FGF13: variants seen among roughly 807,000 people sequenced by gnomAD.
The protein encoded by FGF13 is fibroblast growth factor homologous factor 2.
Under a neutral mutation model 19.5 loss-of-function variants are expected in FGF13, and 2 were observed. The observed-to-expected ratio is 0.10, with a 90% CI of 0.04 to 0.32. FGF13 has a LOEUF of 0.32. Ranked by LOEUF, FGF13 falls within the 10% of genes least tolerant of loss-of-function variation. The pLI is 1.00. For synonymous variants in FGF13, 72 were observed against 76.9 expected (o/e 0.94, Z 0.33); for missense variants, 113 against 192.7 (o/e 0.59, Z 2.45).
chrX:138,649,884 G>A (rs2089350057), intron 3 of FGF13, among the ~76,000 whole-genome samples: 1 of 111,980 alleles, frequency 8.9e-6, no homozygotes, highest in Non-Finnish European at 1.9e-5. Flanking sequence ...CAGAATGTGT[G>A]GTATCACCTC....
chrX:138,873,772 G>A (rs765051550), intron 1 of FGF13, among the ~76,000 whole-genome samples: 7 of 110,777 alleles, frequency 6.3e-5, no homozygotes, highest in South Asian at 7.9e-4. Context: ...ACCATTTCCC[G>A]ACTGGATTAA....
At chrX:138,665,137 C>G (rs2124158867) in intron 3 of FGF13, among the ~76,000 whole-genome samples, 1 of 110,567 alleles carries the variant, frequency 9.0e-6, no homozygotes, top group African/African-American at 3.3e-5. Context: ...CACCCCAAAA[C>G]AAGATCCAGG....
chrX:138,654,385 T>C (rs1327877421), intron 3 of FGF13, among the ~76,000 whole-genome samples: 1 of 111,756 alleles, frequency 8.9e-6, no homozygotes, highest in Non-Finnish European at 1.9e-5. Context: ...AACAATCAAT[T>C]AGTGTCTATA....
intron 1 of FGF13, among the ~76,000 whole-genome samples, chrX:139,140,805 C>T (rs1258831801): frequency 2.7e-5 from 3 of 110,899 alleles, no homozygotes; most frequent in Non-Finnish European, 5.7e-5. Flanking sequence ...TCTCCATGAT[C>T]TGGGTCCCTA....
downstream of FGF13, among the ~76,000 whole-genome samples, chrX:138,853,285 G>C (rs1467520663): frequency 8.9e-6 from 1 of 111,748 alleles, no homozygotes; most frequent in Non-Finnish European, 1.9e-5. Flanking sequence ...AAAACATGAA[G>C]ATGAAAAACA....
At chrX:138,869,483 T>G (rs2091346494) in intron 1 of FGF13, among the ~76,000 whole-genome samples, 1 of 112,255 alleles carries the variant, frequency 8.9e-6, no homozygotes, top group Non-Finnish European at 1.9e-5. Flanking sequence ...TGGATCCTCT[T>G]GTTTCATTTA....
chrX:138,891,968 A>T (rs1388466934), intron 1 of FGF13, among the ~76,000 whole-genome samples: 3 of 99,517 alleles, frequency 3.0e-5, no homozygotes, highest in African/African-American at 1.1e-4. Flanking sequence ...TAATACTTAA[A>T]CTCCAATCTC....
intron 1 of FGF13, among the ~76,000 whole-genome samples, chrX:138,731,523 G>C (rs1018461012): frequency 2.7e-5 from 3 of 109,443 alleles, no homozygotes; most frequent in Admixed American, 2.0e-4. Flanking sequence ...TCAAAACAAT[G>C]AAGTTAATGT....
At chrX:138,683,349 C>G (rs1334994035) in intron 3 of FGF13, among the ~76,000 whole-genome samples, 1 of 109,952 alleles carries the variant, frequency 9.1e-6, no homozygotes, top group Non-Finnish European at 1.9e-5. Flanking sequence ...TTTGCAGGAC[C>G]ATCAGTGCTT....
At chrX:138,809,014 T>G (rs1390336544) in intron 3 of FGF13, among the ~76,000 whole-genome samples, 3 of 110,951 alleles carry the variant, frequency 2.7e-5, no homozygotes, top group East Asian at 5.7e-4. Flanking sequence ...TCTACCAGAG[T>G]TACAAGGAGG....
In FGF13 at chrX:138,624,055, A is replaced by AAT. The variant is rs1298746948; in HGVS notation, c.*8793_*8794dup. 1.8e-5 allele frequency: 2 copies of AAT among 112,296 alleles called. No individual in the cohort carries two copies. The highest frequency in any genetic ancestry group is 3.8e-5 in the Non-Finnish European group (2 of 53,280). The allele number at this position is 112,296 out of a possible 1,213,427, so 9.3% of individuals were successfully genotyped here. On this transcript the variant is annotated 3_prime_UTR_variant, in exon 5 of 5. Transcript: ENST00000315930. ...TCAATGCAAGCACTATCAAAATCTT[A>AAT]ATATAATTTTTTACAGAAATAGAAA...
intron 3 of FGF13, among the ~76,000 whole-genome samples, chrX:138,752,123 G>C (rs1410081444): frequency 8.9e-6 from 1 of 111,753 alleles, no homozygotes; most frequent in African/African-American, 3.3e-5. Context: ...CTCAGGAATG[G>C]GCAAGACAAT....
At chrX:139,124,455 T>C (rs1227115743) in intron 1 of FGF13, among the ~76,000 whole-genome samples, 1 of 111,908 alleles carries the variant, frequency 8.9e-6, no homozygotes, top group African/African-American at 3.3e-5. Flanking sequence ...AGGTCTTGAC[T>C]CCCAGACCCT....
chrX:138,935,696 CAT>C (rs2091727690), intron 1 of FGF13, among the ~76,000 whole-genome samples: 2 of 111,464 alleles, frequency 1.8e-5, no homozygotes. Context: ...AGTTTTAACA[CAT>C]GTGTAGATCT....
At chrX:139,107,517 G>A (rs755671114) in intron 1 of FGF13, among the ~76,000 whole-genome samples, 36 of 111,261 alleles carry the variant, frequency 3.2e-4, no homozygotes, top group Non-Finnish European at 6.2e-4. Context: ...CATCTGCCAG[G>A]GCTAAGTGAA....
intron 1 of FGF13, among the ~76,000 whole-genome samples, chrX:139,120,748 A>T (rs1307359290): frequency 8.9e-6 from 1 of 112,844 alleles, no homozygotes. Flanking sequence ...TGTCCCATGG[A>T]TAGCTTCAGA....
chrX:138,672,608 C>T (rs1045519870), intron 3 of FGF13, among the ~76,000 whole-genome samples: 3 of 111,753 alleles, frequency 2.7e-5, no homozygotes, highest in Admixed American at 1.9e-4. Context: ...AACCGAAATA[C>T]GATAATCAGG....
intron 1 of FGF13, among the ~76,000 whole-genome samples, chrX:138,721,462 T>C (rs2090147012): frequency 8.9e-6 from 1 of 111,863 alleles, no homozygotes; most frequent in African/African-American, 3.2e-5. Flanking sequence ...GCTTCAATTC[T>C]GGAAATTTAG....
intron 1 of FGF13, among the ~76,000 whole-genome samples, chrX:138,896,325 T>TA (rs1157632846): frequency 9.0e-6 from 1 of 111,217 alleles, no homozygotes; most frequent in African/African-American, 3.3e-5. Flanking sequence ...AAATAAAAGT[T>TA]AAAAAATATA....
Sources: gnomAD v4.1 joint callset for allele counts (sites outside exome capture counted in the v4.1 genomes callset) on GRCh38, gnomAD v4.1.1 for gene constraint, MANE v1.5 for transcripts, NCBI Gene and HGNC (gene_info 2026-07-23, HGNC 2026-07-21) for gene names.